The following GNB1 variants were observed in gnomAD, a reference collection of about 807,000 sequenced individuals.
GNB1 encodes guanine nucleotide-binding protein G(I)/G(S)/G(T) subunit beta-1.
Under a neutral mutation model 42.9 loss-of-function variants are expected in GNB1, and 2 were observed. The observed-to-expected ratio is 0.05, with a 90% CI of 0.02 to 0.15. GNB1 has a LOEUF of 0.15. Among genes scored for constraint, GNB1 ranks in the 10% least tolerant of loss-of-function variants. The pLI, the probability that GNB1 is intolerant of heterozygous loss-of-function variation, is 1.00. For missense variants in GNB1, 193 were observed against 462.2 expected (o/e 0.42, Z 5.34); for synonymous variants, 183 against 174.7 (o/e 1.05, Z -0.38).
chr1:1,884,677 T>C (rs955364519), intron 1 of GNB1, among the ~76,000 whole-genome samples: 1 of 151,974 alleles, frequency 6.6e-6, no homozygotes. Flanking sequence ...GCCCTTAGTA[T>C]TCCCATTCTT....
At chr1:1,870,830 C>G (rs1052561941) in intron 1 of GNB1, among the ~76,000 whole-genome samples, 1 of 152,034 alleles carries the variant, frequency 6.6e-6, no homozygotes, top group Non-Finnish European at 1.5e-5. Flanking sequence ...CCCAGCTACT[C>G]GGGAGGCTGA....
Position 1,816,809 on chromosome 1 carries a change from T to A in GNB1, c.97-947A>T, listed in dbSNP as rs528672149. Among the ~76,000 whole-genome samples, 10 of 152,112 alleles carry A rather than the reference T, an allele frequency of 6.6e-5. No homozygotes were observed. In the East Asian group the frequency reaches 1.9e-3, roughly 29 times the overall value. ...GATTACAGGTGTGTGCCACCATGCCTGGCTAATTTTTGTATTTTAGTAGGG... is the reference window on the plus strand; with the variant it reads ...GATTACAGGTGTGTGCCACCATGCCAGGCTAATTTTTGTATTTTAGTAGGG... On this transcript the variant is annotated intron_variant, in intron 4 of 11. Coordinates refer to ENST00000378609, the MANE Select transcript of GNB1 (RefSeq NM_002074.5).
rs190071960 is a variant in GNB1 at position 1,854,352 on chromosome 1, A to C, written c.-95-15114T>G. 2.6e-3 allele frequency among the ~76,000 whole-genome samples: 400 copies of C among 152,326 alleles called. 2 individuals are homozygous for C. Among genetic ancestry groups the C allele is most frequent in the Non-Finnish European group, 3.6e-3 (247 of 68,034 alleles). ...ACTAGTCAAGATTTCTTACCTGCTG[A>C]AACACTGACAAAGCCTGCCACTTCT... On this transcript the variant is annotated intron_variant, in intron 1 of 11. Coordinates refer to ENST00000378609, the MANE Select transcript of GNB1 (RefSeq NM_002074.5).
intron 1 of GNB1, among the ~76,000 whole-genome samples, chr1:1,839,931 C>A (rs1647202850): frequency 1.3e-5 from 2 of 151,492 alleles, no homozygotes; most frequent in African/African-American, 4.8e-5. Context: ...GAGGTGGGCG[C>A]ATAACCTGAG....
At chr1:1,865,609 T>C (rs1441898892) in intron 1 of GNB1, among the ~76,000 whole-genome samples, 2 of 152,024 alleles carry the variant, frequency 1.3e-5, no homozygotes, top group Non-Finnish European at 2.9e-5. Flanking sequence ...GGATTACAGT[T>C]ATGTTATGTT....
At chr1:1,872,496 A>G (rs1459255925) in intron 1 of GNB1, among the ~76,000 whole-genome samples, 1 of 152,038 alleles carries the variant, frequency 6.6e-6, no homozygotes, top group East Asian at 1.9e-4. Flanking sequence ...CCTGGCTTCC[A>G]CCCCTACCTC....
At chr1:1,850,992 A>T (rs1243094914) in intron 1 of GNB1, among the ~76,000 whole-genome samples, 1 of 152,222 alleles carries the variant, frequency 6.6e-6, no homozygotes, top group African/African-American at 2.4e-5. Flanking sequence ...CTGGCCGGCC[A>T]GGCGCGGTGG....
In GNB1 at chr1:1,787,112, C is replaced by T. The variant is rs1400595181; in HGVS notation, c.*10-59G>A. ...GAGGCAGAGAATCTAAGTGCAGACGCACAGCCAGGTCACTGCTCTTCCCAT... is the reference window on the plus strand; with the variant it reads ...GAGGCAGAGAATCTAAGTGCAGACGTACAGCCAGGTCACTGCTCTTCCCAT... On this transcript the variant is annotated intron_variant, in intron 11 of 11. Coordinates refer to ENST00000378609, the MANE Select transcript of GNB1 (RefSeq NM_002074.5). This position sits in a 1 kb window ranked among gnomAD's most constrained non-coding sequence, Gnocchi z 4.4. 1.1e-5 allele frequency: 5 copies of T among 439,128 alleles called. No homozygotes were observed. Among genetic ancestry groups the T allele is most frequent in the Non-Finnish European group, 2.1e-5 (5 of 243,398 alleles). The allele number at this position is 439,128 out of a possible 1,614,324, so 27.2% of individuals were successfully genotyped here.
intron 3 of GNB1, among the ~76,000 whole-genome samples, chr1:1,824,815 C>G (rs959815379): frequency 6.6e-6 from 1 of 152,090 alleles, no homozygotes; most frequent in African/African-American, 2.4e-5. Flanking sequence ...CTCAGGTGAT[C>G]CACCCGCCTT....
At chr1:1,873,008 T>C (rs1301609504) in intron 1 of GNB1, among the ~76,000 whole-genome samples, 1 of 151,864 alleles carries the variant, frequency 6.6e-6, no homozygotes, top group Non-Finnish European at 1.5e-5. Flanking sequence ...AGTCCCACCA[T>C]TAAGGACCAG....
intron 1 of GNB1, among the ~76,000 whole-genome samples, chr1:1,847,891 A>C (rs1647757734): frequency 6.6e-6 from 1 of 152,238 alleles, no homozygotes; most frequent in African/African-American, 2.4e-5. Flanking sequence ...GACAGATGTC[A>C]GTACTTCCAA....
At chr1:1,843,950 C>T (rs1647469587) in intron 1 of GNB1, among the ~76,000 whole-genome samples, 1 of 151,814 alleles carries the variant, frequency 6.6e-6, no homozygotes, top group Non-Finnish European at 1.5e-5. Context: ...AATCCGAGCA[C>T]TTTGGGAGGC....
At chr1:1,800,753 T>TAAAAAAAAAAAAAAAAAAAAAAAATAAAA (rs943269814) in intron 7 of GNB1, among the ~76,000 whole-genome samples, 1 of 115,324 alleles carries the variant, frequency 8.7e-6, no homozygotes, top group Non-Finnish European at 1.9e-5. Flanking sequence ...TTTAGATTGT[T>TAAAAAAAAAAAAAAAAAAAAAAAATAAAA]AAAAAAAAAA....
intron 2 of GNB1, among the ~76,000 whole-genome samples, chr1:1,828,422 C>T (rs1319298701): frequency 1.3e-5 from 2 of 152,164 alleles, no homozygotes; most frequent in African/African-American, 2.4e-5. Context: ...ATCTTACATA[C>T]TGCTTTTAAT....
chr1:1,788,976 A>G (rs2100477649), intron 10 of GNB1, 77 bp downstream of exon 10: 1 of 1,050,508 alleles, frequency 9.5e-7, no homozygotes, highest in South Asian at 1.3e-5. Flanking sequence ...ACTGCAGCTT[A>G]TGCAACCACT....
intron 5 of GNB1, among the ~76,000 whole-genome samples, chr1:1,807,346 C>T (rs1646709413): frequency 6.6e-6 from 1 of 151,162 alleles, no homozygotes; most frequent in Non-Finnish European, 1.5e-5. Flanking sequence ...TGCCTGTAAT[C>T]CTAGCTACTC....
At chr1:1,855,468 G>A (rs573540270) in intron 1 of GNB1, among the ~76,000 whole-genome samples, 3 of 152,184 alleles carry the variant, frequency 2.0e-5, no homozygotes, top group East Asian at 1.9e-4. Context: ...TTGGGAGGCC[G>A]AGGCGGGCGG....
chr1:1,846,430 G>A lies in GNB1; in HGVS notation c.-95-7192C>T, dbSNP rs184977475. 3.7e-3 allele frequency among the ~76,000 whole-genome samples: 567 copies of A among 152,228 alleles called. 3 individuals carry two copies. Among genetic ancestry groups the A allele is most frequent in the Non-Finnish European group, 6.4e-3 (438 of 68,012 alleles). On this transcript the variant is annotated intron_variant, in intron 1 of 11. Coordinates refer to ENST00000378609, the MANE Select transcript of GNB1 (RefSeq NM_002074.5). ...AAAAACAAAAAAATTAGCCAGGCGT[G>A]GTGGCTGGCACCTGTAATCCCAGCT... is the stretch of plus-strand genomic sequence containing the variant.
At chr1:1,807,830 C>A (rs1646722659) in intron 5 of GNB1, among the ~76,000 whole-genome samples, 1 of 151,904 alleles carries the variant, frequency 6.6e-6, no homozygotes, top group Admixed American at 6.6e-5. Flanking sequence ...GCCCCAGTCT[C>A]CCGAGTAGCT....
Sources: allele counts gnomAD v4.1 joint callset (sites outside exome capture counted in the v4.1 genomes callset), GRCh38; gene constraint gnomAD v4.1.1; non-coding constraint Gnocchi (gnomAD v3.1); transcripts MANE v1.5; gene names NCBI Gene and HGNC (gene_info 2026-07-23, HGNC 2026-07-21).